The following TTC4 variants were observed in gnomAD, a reference collection of about 807,000 sequenced individuals.
The protein encoded by TTC4 is tetratricopeptide repeat domain 4.
Under a neutral mutation model 51.9 loss-of-function variants are expected in TTC4, and 36 were observed. That is an observed-to-expected ratio of 0.69 (90% confidence interval 0.53 to 0.92). The LOEUF (loss-of-function observed/expected upper bound fraction) is 0.92. Among genes scored for constraint, TTC4 ranks in the 40% least tolerant of loss-of-function variants. The probability of loss-of-function intolerance (pLI) is 0.00; values close to 1 mark genes in which losing one functional copy is unlikely to be tolerated. For synonymous variants in TTC4, 144 were observed against 164.2 expected, an observed-to-expected ratio of 0.88 and a Z score of 0.94; for missense variants, 399 against 454.6, an observed-to-expected ratio of 0.88 and a Z score of 1.11.
intron 9 of TTC4, 144 bp downstream of exon 9, chr1:54,737,808 TG>T: frequency 1.2e-6 from 1 of 809,620 alleles, no homozygotes; most frequent in Non-Finnish European, 1.9e-6. Context: ...TCCACGTGGC[TG>T]GGGATGCCTC....
intron 9 of TTC4, among the ~76,000 whole-genome samples, chr1:54,738,050 G>C (rs945914334): frequency 3.3e-5 from 5 of 152,064 alleles, no homozygotes; most frequent in Non-Finnish European, 5.9e-5. Flanking sequence ...ATAGGCACCT[G>C]CCACCACGCC....
At chr1:54,733,276 C>T (rs549674548) in intron 7 of TTC4, among the ~76,000 whole-genome samples, 1 of 151,676 alleles carries the variant, frequency 6.6e-6, no homozygotes, top group African/African-American at 2.4e-5. Context: ...AAAAATTAGC[C>T]AGGCATGGTG....
chr1:54,721,814 GT>G (rs1645746791), intron 4 of TTC4, among the ~76,000 whole-genome samples: 1 of 152,188 alleles, frequency 6.6e-6, no homozygotes, highest in African/African-American at 2.4e-5. Flanking sequence ...AATGTTCATG[GT>G]TAAGGGCAGT....
Position 54,716,010 on chromosome 1 carries a change from G to A in TTC4, c.102G>A (p.Gln34=), listed in dbSNP as rs776956159. 1.0e-5 allele frequency: 16 copies of A among 1,583,336 alleles called. No homozygotes were observed. In the African/African-American group the frequency reaches 1.2e-4, roughly 12 times the overall value. ...ACCGTGGCGGCTTTCATGAGGACCA[G>A]TGGGAGAAGGTGGGCGGTCCTGGGG... ...QPYRGGFHED[Q]WEKEFEKVPL... Residue 34 remains glutamine (Q), a synonymous_variant, in exon 1 of 10, where the codon CAG becomes CAA. Transcript: ENST00000371281.
chr1:54,733,168 TA>T (rs143449681), intron 7 of TTC4, among the ~76,000 whole-genome samples: 17,919 of 149,914 alleles, frequency 0.12, 1,775 homozygotes, highest in African/African-American at 0.27. Context: ...GTAATCCCAA[TA>T]ACTTTGGGAG....
At chr1:54,722,917 ACTC>A (rs1645760020) in intron 5 of TTC4, 118 bp downstream of exon 5, 1 of 1,317,492 alleles carries the variant, frequency 7.6e-7, no homozygotes, top group Non-Finnish European at 1.0e-6. Flanking sequence ...ACTAGTCCCT[ACTC>A]CTGGAACTCT....
intron 7 of TTC4, among the ~76,000 whole-genome samples, chr1:54,733,247 A>G (rs7537877): frequency 0.12 from 17,980 of 151,134 alleles, 1,781 homozygotes; most frequent in African/African-American, 0.26. Context: ...GGAGACCCCC[A>G]TCTCTACAAA....
At chr1:54,737,751 G>C in intron 9 of TTC4, 87 bp downstream of exon 9, 1 of 1,342,434 alleles carries the variant, frequency 7.4e-7, no homozygotes, top group Admixed American at 2.1e-5. Context: ...ACATACCTGA[G>C]ACTGGTCAGT....
chr1:54,738,744 A>G (rs901427347), intron 9 of TTC4, among the ~76,000 whole-genome samples: 6 of 148,182 alleles, frequency 4.0e-5, no homozygotes, highest in Admixed American at 6.8e-5. Context: ...TGCAACCTCT[A>G]CCTCACCCCC....
chr1:54,737,708 G>T, intron 9 of TTC4, 44 bp downstream of exon 9: 1 of 1,577,702 alleles, frequency 6.3e-7, no homozygotes, highest in Non-Finnish European at 8.7e-7. Flanking sequence ...AAGATGCTCA[G>T]TGTATTAGTC....
chr1:54,728,340 T>C lies in TTC4; in HGVS notation c.595-6T>C. The C allele has an allele frequency of 6.2e-7, 1 of 1,611,098 alleles. No homozygotes were observed. Among genetic ancestry groups the C allele is most frequent in the Non-Finnish European group, 8.5e-7 (1 of 1,178,152 alleles). ...TAGAGCTGATGCATCTAAATTTCAT[T>C]TTTAGCGAATTGAACAGAGGGATGT... On this transcript the variant is annotated splice_region_variant and splice_polypyrimidine_tract_variant and intron_variant, in intron 5 of 9. Transcript: ENST00000371281.
chr1:54,726,485 A>G (rs1194343091), intron 5 of TTC4, among the ~76,000 whole-genome samples: 1 of 152,246 alleles, frequency 6.6e-6, no homozygotes, highest in African/African-American at 2.4e-5. Context: ...AAGTTCAGCA[A>G]GCTTGTTGGA....
In TTC4 at chr1:54,735,156, G is replaced by A. The variant is rs79181702; in HGVS notation, c.978+1446G>A. Reference sequence around the variant, plus strand: ...TTGAAGATTACAGACCACTTATTTTGTAGAATGTCTGTCAGTATGGGTTTG... The same window carrying A: ...TTGAAGATTACAGACCACTTATTTTATAGAATGTCTGTCAGTATGGGTTTG... On this transcript the variant is annotated intron_variant, in intron 8 of 9. Coordinates refer to ENST00000371281, the MANE Select transcript of TTC4 (RefSeq NM_004623.5). Among the ~76,000 whole-genome samples the A allele has an allele frequency of 3.6e-4, 55 of 151,928 alleles. No individual in the cohort carries two copies. In the South Asian group the frequency reaches 0.011, roughly 31 times the overall value.
intron 7 of TTC4, 38 bp downstream of exon 7, chr1:54,731,738 A>G: frequency 6.3e-7 from 1 of 1,590,820 alleles, no homozygotes; most frequent in Middle Eastern, 1.7e-4. Flanking sequence ...TTTTGCTTGC[A>G]TGCTGTCTCT....
intron 6 of TTC4, among the ~76,000 whole-genome samples, chr1:54,730,870 T>C (rs562856543): frequency 1.3e-5 from 2 of 152,254 alleles, no homozygotes; most frequent in Non-Finnish European, 2.9e-5. Flanking sequence ...CCCTTCTAAG[T>C]GCCCCTCCCT....
rs1646010879 is a variant in TTC4 at position 54,741,529 on chromosome 1, T to C, written c.*16T>C. ...GATACGATGACTAAGCCAGGGCCCC[T>C]GGATCTCCTCCCTTACCCTCCTCTG... On this transcript the variant is annotated 3_prime_UTR_variant, in exon 10 of 10. Transcript: ENST00000371281. The C allele has an allele frequency of 6.2e-7, 1 of 1,601,250 alleles. No individual in the cohort carries two copies. Among genetic ancestry groups the C allele is most frequent in the Non-Finnish European group, 8.6e-7 (1 of 1,168,492 alleles).
intron 6 of TTC4, 92 bp from the exon 7 acceptor site, chr1:54,731,394 C>G: frequency 8.6e-7 from 1 of 1,160,270 alleles, no homozygotes; most frequent in Non-Finnish European, 1.2e-6. Context: ...ATTAGCCAGG[C>G]ATTATGGTTT....
In TTC4 at chr1:54,731,719, G is replaced by C; in HGVS notation, c.896+19G>C. The C allele has an allele frequency of 6.2e-7, 1 of 1,608,080 alleles. No homozygotes were observed. Among genetic ancestry groups the C allele is most frequent in the Non-Finnish European group, 8.5e-7 (1 of 1,176,352 alleles). The stretch of plus-strand genomic sequence containing the variant: ...ACTCCAGGTACTGACTTGCCCAGGA[G>C]CCCTCTGCTTTTGCTTGCATGCTGT... On this transcript the variant is annotated intron_variant, in intron 7 of 9. Coordinates refer to ENST00000371281, the MANE Select transcript of TTC4 (RefSeq NM_004623.5).
intron 6 of TTC4, among the ~76,000 whole-genome samples, chr1:54,730,983 C>A (rs1298171216): frequency 6.6e-6 from 1 of 152,156 alleles, no homozygotes; most frequent in Admixed American, 6.5e-5. Context: ...TATGGTACTA[C>A]AACTCCACTT....
Sources: allele counts gnomAD v4.1 joint callset (sites outside exome capture counted in the v4.1 genomes callset), GRCh38; gene constraint gnomAD v4.1.1; transcripts MANE v1.5; gene names NCBI Gene and HGNC (gene_info 2026-07-23, HGNC 2026-07-21).